SLC1A7: variants seen among roughly 807,000 people sequenced by gnomAD.
The protein encoded by SLC1A7 is excitatory amino acid transporter 5.
Under a neutral mutation model 47.7 loss-of-function variants are expected in SLC1A7, and 40 were observed. The ratio of observed to expected loss-of-function variants is 0.84; its 90% CI spans 0.65 to 1.09. The LOEUF is 1.09. Ranked by LOEUF, SLC1A7 falls within the 50% of genes least tolerant of loss-of-function variation. The pLI is 0.00. For synonymous variants in SLC1A7, 323 were observed against 325.6 expected, an observed-to-expected ratio of 0.99 and a Z score of 0.09; for missense variants, 746 against 769.5, an observed-to-expected ratio of 0.97 and a Z score of 0.36.
At chr1:53,107,535 G>A (rs1397175561) in intron 3 of SLC1A7, among the ~76,000 whole-genome samples, 4 of 152,130 alleles carry the variant, frequency 2.6e-5, no homozygotes, top group African/African-American at 7.2e-5. Flanking sequence ...CAACTTTTCC[G>A]TAAACCTAAA....
At position 53,103,575 on chromosome 1, in the gene SLC1A7, G is replaced by T. The variant is rs185228731; in HGVS notation, c.475-7C>A. On this transcript the variant is annotated splice_region_variant and splice_polypyrimidine_tract_variant and intron_variant, in intron 4 of 10. Coordinates refer to ENST00000371494, the MANE Select transcript of SLC1A7 (RefSeq NM_006671.6). ...GGGTGGTCTTGGTGCGGTACTGGTG[G>T]GTGACACCCCACCCAGAGAGAAGTC... 7.1e-4 allele frequency: 1,100 copies of T among 1,545,040 alleles called. 1 individual carries two copies. The highest frequency in any genetic ancestry group is 8.9e-4 in the Non-Finnish European group (1,017 of 1,140,548).
At position 53,140,959 on chromosome 1, in the gene SLC1A7, G is replaced by A. The variant is rs193114649; in HGVS notation, c.135+1356C>T. Among the ~76,000 whole-genome samples, 852 of 152,262 alleles carry A rather than the reference G, an allele frequency of 5.6e-3. 12 individuals carry two copies. Among genetic ancestry groups the A allele is most frequent in the Non-Finnish European group, 5.9e-3 (403 of 68,022 alleles). ...CTTTTAATGGAAGACAAAGTCTAAT[G>A]CCTGACCCCAGTTGTAGAGATGGCA... On this transcript the variant is annotated intron_variant, in intron 1 of 10. Transcript: ENST00000371494.
At chr1:53,108,487 C>G (rs560187070) in intron 3 of SLC1A7, 5 of 692,552 alleles carry the variant, frequency 7.2e-6, no homozygotes, top group Admixed American at 6.5e-5. Context: ...CAAATGGGAC[C>G]TGCCATCAAG....
rs754734228 is a variant in SLC1A7, at chr1:53,088,204, C to G, written c.1488G>C (p.Lys496Asn). Reference protein sequence around the residue: ...GTEKLLPCETKPVSLQEIVAA... With the variant: ...GTEKLLPCETNPVSLQEIVAA... ...CCACGATCTCCTGGAGGCTCACTGG[C>G]TTGGTCTCGCAGGGCAGCAGTTTCT... Residue 496 changes from lysine (K) to asparagine (N), a missense_variant, in exon 11 of 11, where the codon AAG becomes AAC. Coordinates refer to ENST00000371494, the MANE Select transcript of SLC1A7 (RefSeq NM_006671.6). 6.8e-6 allele frequency: 11 copies of G among 1,610,944 alleles called. No individual in the cohort carries two copies. Among genetic ancestry groups the G allele is most frequent in the East Asian group, 4.5e-5 (2 of 44,808 alleles).
At chr1:53,111,769 G>A (rs1644703224) in intron 3 of SLC1A7, among the ~76,000 whole-genome samples, 1 of 152,190 alleles carries the variant, frequency 6.6e-6, no homozygotes, top group African/African-American at 2.4e-5. Context: ...TTCCAGGCTG[G>A]AGACTAAATT....
intron 3 of SLC1A7, among the ~76,000 whole-genome samples, chr1:53,106,707 T>C (rs1021289877): frequency 6.6e-6 from 1 of 152,232 alleles, no homozygotes; most frequent in South Asian, 2.1e-4. Flanking sequence ...TCTAAGTGTT[T>C]CGTACTTGAT....
At chr1:53,122,182 C>T (rs764306499) in intron 2 of SLC1A7, among the ~76,000 whole-genome samples, 2 of 152,166 alleles carry the variant, frequency 1.3e-5, no homozygotes, top group Non-Finnish European at 2.9e-5. Flanking sequence ...ACCTCCCAGT[C>T]ACTGGAGGTG....
At chr1:53,125,709 T>C (rs1283490230) in intron 2 of SLC1A7, among the ~76,000 whole-genome samples, 1 of 152,192 alleles carries the variant, frequency 6.6e-6, no homozygotes, top group Non-Finnish European at 1.5e-5. Context: ...CCCTGTGGCC[T>C]GAGCAGCGTT....
Position 53,088,008 on chromosome 1 carries a change from C to G in SLC1A7, c.*1G>C. The G allele has an allele frequency of 1.3e-6, 2 of 1,495,860 alleles. No homozygotes were observed. Among genetic ancestry groups the G allele is most frequent in the Non-Finnish European group, 1.8e-6 (2 of 1,113,382 alleles). 92.7% of individuals were successfully genotyped at this position (1,495,860 alleles called of 1,614,324 possible). On this transcript the variant is annotated 3_prime_UTR_variant, in exon 11 of 11. Coordinates refer to ENST00000371494, the MANE Select transcript of SLC1A7 (RefSeq NM_006671.6). ...TCGCCTGCCCCTGCAGCTCCGCAGG[C>G]TCAGACATTGGTCTCCAGCTCACTG...
At chr1:53,137,523 A>G (rs1373553862) in intron 1 of SLC1A7, among the ~76,000 whole-genome samples, 1 of 152,036 alleles carries the variant, frequency 6.6e-6, no homozygotes, top group Non-Finnish European at 1.5e-5. Flanking sequence ...CTCTCCACCT[A>G]TTTCAGCATT....
chr1:53,092,480 C>A (rs1040446528), intron 7 of SLC1A7, 74 bp downstream of exon 7: 9 of 1,113,222 alleles, frequency 8.1e-6, no homozygotes, highest in Admixed American at 1.9e-5. Flanking sequence ...GGCTATGAAC[C>A]AATGATGGCT....
chr1:53,099,493 G>T (rs912537852), intron 5 of SLC1A7, among the ~76,000 whole-genome samples: 1 of 137,180 alleles, frequency 7.3e-6, no homozygotes, highest in East Asian at 2.2e-4. Flanking sequence ...ACACTCAACC[G>T]CCTCAGTACA....
intron 3 of SLC1A7, among the ~76,000 whole-genome samples, chr1:53,110,991 T>C (rs1644695896): frequency 6.6e-6 from 1 of 152,112 alleles, no homozygotes; most frequent in Non-Finnish European, 1.5e-5. Context: ...CCAGGTGCTG[T>C]CCTAGGCTCC....
At chr1:53,115,417 C>T (rs1030680307) in intron 2 of SLC1A7, 24 of 189,904 alleles carry the variant, frequency 1.3e-4, no homozygotes, top group African/African-American at 4.7e-4. Flanking sequence ...CTGCCTCTCC[C>T]CCAGAGTGAG....
intron 2 of SLC1A7, among the ~76,000 whole-genome samples, chr1:53,116,394 G>A (rs1160052080): frequency 1.3e-5 from 2 of 152,248 alleles, no homozygotes; most frequent in African/African-American, 4.8e-5. Context: ...CCAGGGTTGG[G>A]CCAGGTTCTG....
chr1:53,129,664 C>A (rs1219763800), intron 2 of SLC1A7, among the ~76,000 whole-genome samples: 1 of 141,686 alleles, frequency 7.1e-6, no homozygotes, highest in Non-Finnish European at 1.6e-5. Context: ...ACTGGGCCTC[C>A]TTTCTCCAGA....
chr1:53,087,797 G>A lies in SLC1A7; in HGVS notation c.*212C>T, dbSNP rs539489748. On this transcript the variant is annotated 3_prime_UTR_variant, in exon 11 of 11. Coordinates refer to ENST00000371494, the MANE Select transcript of SLC1A7 (RefSeq NM_006671.6). The stretch of plus-strand genomic sequence containing the variant: ...TCACAGCGGGGCCTCAGGCAATGCC[G>A]GGCCCATCACTCCCTAGATGGGGCT... 9 of 379,254 alleles carry A rather than the reference G, an allele frequency of 2.4e-5. No individual in the cohort carries two copies. Among genetic ancestry groups the A allele is most frequent in the Non-Finnish European group, 4.7e-6 (1 of 213,288 alleles). The allele number at this position is 379,254 out of a possible 1,614,324, so 23.5% of individuals were successfully genotyped here. A position where few individuals can be genotyped will look rare whatever the true frequency, so the allele number is the denominator to read the frequency against.
rs139321470 is a variant in SLC1A7 at position 53,103,604 on chromosome 1, G to A, written c.475-36C>T. ...ACACCCCACCCAGAGAGAAGTCAGGGCCAAGGGTTGTTACTAATATTAACG... is the reference window on the plus strand; with the variant it reads ...ACACCCCACCCAGAGAGAAGTCAGGACCAAGGGTTGTTACTAATATTAACG... On this transcript the variant is annotated intron_variant, in intron 4 of 10. Transcript: ENST00000371494. 33 of 1,319,576 alleles carry A rather than the reference G, an allele frequency of 2.5e-5. No individual in the cohort carries two copies. The South Asian group carries it at 3.8e-4, about 15-fold the overall frequency. The allele number at this position is 1,319,576 out of a possible 1,614,324, so 81.7% of individuals were successfully genotyped here.
At chr1:53,139,381 G>A (rs1269131518) in intron 1 of SLC1A7, among the ~76,000 whole-genome samples, 1 of 152,232 alleles carries the variant, frequency 6.6e-6, no homozygotes, top group Non-Finnish European at 1.5e-5. Context: ...AGACAAGGAT[G>A]TCTGTTAATT....
Sources: allele counts gnomAD v4.1 joint callset (sites outside exome capture counted in the v4.1 genomes callset), GRCh38; gene constraint gnomAD v4.1.1; transcripts MANE v1.5; gene names NCBI Gene and HGNC (gene_info 2026-07-23, HGNC 2026-07-21).